RPS6KA2: variants seen among roughly 807,000 people sequenced by gnomAD.
RPS6KA2 encodes ribosomal protein S6 kinase A2.
RPS6KA2 carries 42 observed loss-of-function variants against 91.8 expected under a neutral mutation model. The observed-to-expected ratio is 0.46, with a 90% CI of 0.36 to 0.59. The LOEUF (loss-of-function observed/expected upper bound fraction) is 0.59, where lower values mean the gene tolerates loss of function less well. Ranked by LOEUF, RPS6KA2 falls within the 20% of genes least tolerant of loss-of-function variation. The pLI, the probability that RPS6KA2 is intolerant of heterozygous loss-of-function variation, is 0.00. For synonymous variants in RPS6KA2, 414 were observed against 393.6 expected (o/e 1.05, Z -0.61); for missense variants, 798 against 978.5 (o/e 0.82, Z 2.46).
At chr6:166,649,753 G>C (rs921186650) in intron 2 of RPS6KA2, among the ~76,000 whole-genome samples, 2 of 152,164 alleles carry the variant, frequency 1.3e-5, no homozygotes, top group Admixed American at 1.3e-4. Flanking sequence ...CCAGACCCCG[G>C]GGGGTTTTCG....
At chr6:166,744,277 T>A (rs559446972) in intron 2 of RPS6KA2, among the ~76,000 whole-genome samples, 2 of 152,190 alleles carry the variant, frequency 1.3e-5, no homozygotes, top group Non-Finnish European at 2.9e-5. Flanking sequence ...GCAGGGTCCC[T>A]GGCTCTCCAA....
At chr6:166,565,519 G>A (rs76200130) in intron 1 of RPS6KA2, among the ~76,000 whole-genome samples, 2,963 of 152,340 alleles carry the variant, frequency 0.019, 98 homozygotes, top group African/African-American at 0.067. Flanking sequence ...ATCCACGCTA[G>A]GGAACAGCTG....
intron 2 of RPS6KA2, among the ~76,000 whole-genome samples, chr6:166,674,796 G>A (rs956077341): frequency 6.6e-6 from 1 of 152,132 alleles, no homozygotes; most frequent in Non-Finnish European, 1.5e-5. Flanking sequence ...AGCCTCTCAA[G>A]TAGCTGGGAT....
chr6:166,696,655 T>G (rs1272899121), intron 2 of RPS6KA2, among the ~76,000 whole-genome samples: 1 of 152,184 alleles, frequency 6.6e-6, no homozygotes, highest in African/African-American at 2.4e-5. Context: ...CGTGAGGGTA[T>G]TCTGGGAGGA....
chr6:166,532,971 G>A (rs16899080), intron 2 of RPS6KA2, among the ~76,000 whole-genome samples: 7,874 of 152,090 alleles, frequency 0.052, 668 homozygotes, highest in African/African-American at 0.18. Flanking sequence ...GCCCTTCTCC[G>A]GGCTCAGGAT....
intron 2 of RPS6KA2, among the ~76,000 whole-genome samples, chr6:166,782,588 C>T (rs767736410): frequency 4.6e-5 from 7 of 152,116 alleles, no homozygotes; most frequent in East Asian, 3.9e-4. Flanking sequence ...TCCCGAGGCC[C>T]GGATTGCTGA....
intron 8 of RPS6KA2, among the ~76,000 whole-genome samples, chr6:166,498,069 T>C (rs1040648117): frequency 6.9e-5 from 10 of 145,106 alleles, no homozygotes; most frequent in East Asian, 2.4e-4. Context: ...TGTTAAGCAC[T>C]CTGCCTGCGA....
At chr6:166,538,393 GTGA>G (rs1783546848) in intron 2 of RPS6KA2, among the ~76,000 whole-genome samples, 1 of 152,078 alleles carries the variant, frequency 6.6e-6, no homozygotes, top group Admixed American at 6.5e-5. Flanking sequence ...CCTCACCTTG[GTGA>G]TGATTTACCA....
chr6:166,731,566 A>T (rs1790520285), intron 2 of RPS6KA2, among the ~76,000 whole-genome samples: 1 of 151,994 alleles, frequency 6.6e-6, no homozygotes, highest in Non-Finnish European at 1.5e-5. Context: ...TTCTGTAATG[A>T]CCTCTAGCTC....
chr6:166,531,197 G>A (rs891891193), intron 3 of RPS6KA2, 35 bp downstream of exon 3: 34 of 1,405,748 alleles, frequency 2.4e-5, no homozygotes, highest in Non-Finnish European at 3.3e-5. Flanking sequence ...GCAGTTACCT[G>A]TCTCTGAAGC....
chr6:166,474,490 C>T (rs1780890853), intron 10 of RPS6KA2, among the ~76,000 whole-genome samples: 1 of 152,172 alleles, frequency 6.6e-6, no homozygotes, highest in African/African-American at 2.4e-5. Flanking sequence ...CAGAATATCT[C>T]ATGAGTTTCT....
chr6:166,652,751 G>A (rs78812499), intron 2 of RPS6KA2, among the ~76,000 whole-genome samples: 7 of 151,978 alleles, frequency 4.6e-5, no homozygotes, highest in East Asian at 1.9e-4. Context: ...GAAGAGATGC[G>A]GGTAGTGGTG....
At chr6:166,446,759 G>A (rs1365322600) in intron 14 of RPS6KA2, among the ~76,000 whole-genome samples, 5 of 152,162 alleles carry the variant, frequency 3.3e-5, no homozygotes, top group East Asian at 1.9e-4. Context: ...GAAGGGCACC[G>A]CGGCTGCTGG....
At chr6:166,579,878 G>A (rs999095718) in intron 1 of RPS6KA2, among the ~76,000 whole-genome samples, 1 of 151,930 alleles carries the variant, frequency 6.6e-6, no homozygotes, top group Non-Finnish European at 1.5e-5. Flanking sequence ...ATACTGTTTT[G>A]AGAAGAAAAA....
At position 166,453,197 on chromosome 6, in the gene RPS6KA2, T is replaced by TCACACACAATCA. The variant is rs1554275248; in HGVS notation, c.1076-1965_1076-1964insTGATTGTGTGTG. 3.2e-3 allele frequency among the ~76,000 whole-genome samples: 455 copies of TCACACACAATCA among 141,228 alleles called. 3 individuals are homozygous for TCACACACAATCA. The highest frequency in any genetic ancestry group is 0.011 in the African/African-American group (438 of 38,782). 92.7% of individuals were successfully genotyped at this position (141,228 alleles called of 152,430 possible). A position where few individuals can be genotyped will look rare whatever the true frequency, so the allele number is the denominator to read the frequency against. ...GCCTGGGCGACAGAGTGAGACTCCA[T>TCACACACAATCA]CACACACACACACACACACACACAC... is the stretch of plus-strand genomic sequence containing the variant. On this transcript the variant is annotated intron_variant, in intron 12 of 20. Transcript: ENST00000265678.
intron 2 of RPS6KA2, among the ~76,000 whole-genome samples, chr6:166,751,860 G>T (rs60511249): frequency 1.3e-5 from 2 of 152,178 alleles, no homozygotes; most frequent in Non-Finnish European, 2.9e-5. Context: ...GTGGACCAAG[G>T]ACAGCATGGA....
intron 1 of RPS6KA2, among the ~76,000 whole-genome samples, chr6:166,590,142 T>C (rs537786946): frequency 6.6e-6 from 1 of 152,352 alleles, no homozygotes; most frequent in South Asian, 2.1e-4. Flanking sequence ...ATCGGGATGA[T>C]AAAGACTAAA....
Position 166,435,730 on chromosome 6 carries a change from TCTCAGGCGA to T in RPS6KA2, c.1333-3249_1333-3241del, listed in dbSNP as rs1324418385. Among the ~76,000 whole-genome samples the T allele has an allele frequency of 6.6e-6, 1 of 152,264 alleles. No individual in the cohort carries two copies. Among genetic ancestry groups the T allele is most frequent in the Non-Finnish European group, 1.5e-5 (1 of 68,044 alleles). Reference sequence around the variant, plus strand: ...TCCTGAGGGGAAGTCACGTTTGCTGTCTCAGGCGACAACACTGCTGTGGGTGTGGGTGGC... The same window carrying T: ...TCCTGAGGGGAAGTCACGTTTGCTGTCAACACTGCTGTGGGTGTGGGTGGC... On this transcript the variant is annotated intron_variant, in intron 14 of 20. Transcript: ENST00000265678. The surrounding 1 kb of genome is among the most constrained non-coding windows in gnomAD (Gnocchi z 4.3).
intron 2 of RPS6KA2, among the ~76,000 whole-genome samples, chr6:166,656,548 G>A (rs896027348): frequency 6.6e-6 from 1 of 152,220 alleles, no homozygotes; most frequent in Non-Finnish European, 1.5e-5. Context: ...TCGGCAGGTG[G>A]GCCCGGCAGG....
Sources: gnomAD v4.1 joint callset for allele counts (sites outside exome capture counted in the v4.1 genomes callset) on GRCh38, gnomAD v4.1.1 for gene constraint, Gnocchi (gnomAD v3.1) non-coding constraint, MANE v1.5 for transcripts, NCBI Gene and HGNC (gene_info 2026-07-23, HGNC 2026-07-21) for gene names.